Variants in BCAR1 observed in about 807,000 individuals in gnomAD.
BCAR1 encodes BCAR1 scaffold protein, Cas family member.
A neutral mutation model predicts 67.6 loss-of-function variants in BCAR1; 30 were observed. That is an observed-to-expected ratio of 0.44 (90% CI 0.33 to 0.60). BCAR1 has a LOEUF of 0.60. Ranked by LOEUF, BCAR1 falls within the 20% of genes least tolerant of loss-of-function variation. BCAR1 has a pLI of 0.02. For synonymous variants in BCAR1, 626 were observed against 556.7 expected, an observed-to-expected ratio of 1.12 and a Z score of -1.75; for missense variants, 1,313 against 1,222.3, an observed-to-expected ratio of 1.07 and a Z score of -1.11.
chr16:75,238,040 A>T, intron 2 of BCAR1: 1 of 1,288,594 alleles, frequency 7.8e-7, no homozygotes, highest in Non-Finnish European at 1.0e-6. Flanking sequence ...GATGAGGCCT[A>T]GTGGGGGAAG....
At position 75,235,508 on chromosome 16, in the gene BCAR1, G is replaced by A. The variant is rs1183248715; in HGVS notation, c.1391C>T (p.Ala464Val). 1 of 1,597,218 alleles carries A rather than the reference G, an allele frequency of 6.3e-7. No homozygotes were observed. The highest frequency in any genetic ancestry group is 8.5e-7 in the Non-Finnish European group (1 of 1,172,912). The change falls in exon 5 of 7, where the codon GCA (alanine) becomes GTA (valine). Residue 464 changes from alanine (A) to valine (V), a missense_variant. By Grantham distance (64) the Ala-to-Val change is moderately conservative. Transcript: ENST00000162330. ...GGCGCTCACACCCTGCTGCAGCCGTGCCAGGGCCTCCACAGCAACTTCCAG... is the reference window on the plus strand; with the variant it reads ...GGCGCTCACACCCTGCTGCAGCCGTACCAGGGCCTCCACAGCAACTTCCAG... ...LELEVAVEAL[A>V]RLQQGVSATV... is the part of the protein sequence containing the mutation.
chr16:75,233,728 TGA>T, intron 6 of BCAR1, 116 bp downstream of exon 6: 1 of 1,057,200 alleles, frequency 9.5e-7, no homozygotes, highest in East Asian at 2.6e-5. Flanking sequence ...GGCCCAGCTC[TGA>T]GCACTGTCAG....
intron 4 of BCAR1, chr16:75,236,459 G>A (rs549148873): frequency 6.1e-6 from 2 of 328,956 alleles, no homozygotes; most frequent in South Asian, 1.1e-4. Context: ...CCACCACCAC[G>A]TGTGAACTTT....
intron 2 of BCAR1, among the ~76,000 whole-genome samples, chr16:75,242,083 C>T (rs766656693): frequency 1.1e-4 from 17 of 152,226 alleles, no homozygotes; most frequent in Non-Finnish European, 2.2e-4. Flanking sequence ...TAGAGGCTGA[C>T]ACGTAAACCC....
upstream of BCAR1, among the ~76,000 whole-genome samples, chr16:75,253,097 G>A (rs907883799): frequency 2.0e-5 from 3 of 152,202 alleles, no homozygotes; most frequent in Non-Finnish European, 4.4e-5. Context: ...CCAACACCCT[G>A]TGCCTCCCCG....
intron 6 of BCAR1, among the ~76,000 whole-genome samples, chr16:75,231,881 A>G (rs1464605959): frequency 2.6e-5 from 4 of 152,204 alleles, no homozygotes; most frequent in Admixed American, 2.0e-4. Context: ...TTGATATTTC[A>G]GGAGGTTTTT....
chr16:75,264,057 C>T, intron 1 of BCAR1: 1 of 1,238,922 alleles, frequency 8.1e-7, no homozygotes, highest in Non-Finnish European at 1.0e-6. Context: ...TAGGAGATGA[C>T]TCAGAGCCCG....
At chr16:75,245,840 C>T (rs1025990602) in intron 1 of BCAR1, among the ~76,000 whole-genome samples, 2 of 152,190 alleles carry the variant, frequency 1.3e-5, no homozygotes. Flanking sequence ...GACATGCACT[C>T]CTTCTTCCTC....
Position 75,239,449 on chromosome 16 carries a change from G to T in BCAR1, c.634-2105C>A, listed in dbSNP as rs1012979893. Among the ~76,000 whole-genome samples the T allele has an allele frequency of 3.3e-5, 5 of 152,184 alleles. No homozygotes were observed. In the South Asian group the frequency reaches 1.0e-3, roughly 31 times the overall value. On this transcript the variant is annotated intron_variant, in intron 2 of 6. Transcript: ENST00000162330. ...TCCCCTACTATCAGGCATCAAGCGG[G>T]GGGACAAGCGAACTCAGGAATACAT...
chr16:75,233,737 T>C, intron 6 of BCAR1, 109 bp downstream of exon 6: 1 of 1,167,584 alleles, frequency 8.6e-7, no homozygotes, highest in Admixed American at 2.3e-5. Context: ...CTGAGCACTG[T>C]CAGACAACAT....
At chr16:75,251,015 C>T (rs1243248917) in intron 1 of BCAR1, 3 of 983,768 alleles carry the variant, frequency 3.0e-6, no homozygotes, top group Admixed American at 6.1e-5. Flanking sequence ...CGCCCGGCCT[C>T]GGTCCCCCGG....
At position 75,229,911 on chromosome 16, in the gene BCAR1, G is replaced by A. The variant is rs199960148; in HGVS notation, c.2213C>T (p.Pro738Leu). 114 of 1,608,334 alleles carry A rather than the reference G, an allele frequency of 7.1e-5. No individual in the cohort carries two copies. Among genetic ancestry groups the A allele is most frequent in the Non-Finnish European group, 9.1e-5 (107 of 1,176,150 alleles). ...GAAGAGCAGCAGCTGCCGGTCCGAG[G>A]GCCCCAGGCCGCCTGTTCGCCCCGG... is the stretch of plus-strand genomic sequence containing the variant. ...LAPGRTGGLG[P>L]SDRQLLLFYL... Residue 738 changes from proline (P) to leucine (L), a missense_variant, in exon 7 of 7, where the codon CCC becomes CTC. Pro to Leu is a moderately conservative substitution (Grantham distance 98). Transcript: ENST00000162330.
chr16:75,255,952 T>C (rs535499341), upstream of BCAR1, among the ~76,000 whole-genome samples: 8 of 149,614 alleles, frequency 5.3e-5, no homozygotes, highest in South Asian at 4.3e-4. Context: ...GATGGTGCCA[T>C]TGCACTCCAG....
chr16:75,258,646 T>C (rs2077831931), intron 1 of BCAR1, among the ~76,000 whole-genome samples: 1 of 152,222 alleles, frequency 6.6e-6, no homozygotes, highest in African/African-American at 2.4e-5. Context: ...AGCAGATGTG[T>C]GAATCTTTTG....
At chr16:75,245,332 A>C (rs1405594577) in intron 1 of BCAR1, among the ~76,000 whole-genome samples, 1 of 152,222 alleles carries the variant, frequency 6.6e-6, no homozygotes, top group Admixed American at 6.5e-5. Flanking sequence ...GAGTCACAGG[A>C]AAATTCCCCT....
rs1265062225 is a variant in BCAR1 at position 75,229,503 on chromosome 16, C to T, written c.*8G>A. The T allele has an allele frequency of 6.4e-7, 1 of 1,550,852 alleles. No individual in the cohort carries two copies. The highest frequency in any genetic ancestry group is 8.7e-7 in the Non-Finnish European group (1 of 1,149,128). The stretch of plus-strand genomic sequence containing the variant: ...CCCTCCCCTGCCTCCCTCCTGGGGT[C>T]ACCACCCTCAGGCGGCTGCCAGCTG... On this transcript the variant is annotated 3_prime_UTR_variant, in exon 7 of 7. Transcript: ENST00000162330.
chr16:75,265,820 C>G, intron 1 of BCAR1: 3 of 1,196,022 alleles, frequency 2.5e-6, no homozygotes, highest in Non-Finnish European at 3.1e-6. Context: ...CGGCGCGGTA[C>G]TCACAGGCAC....
intron 2 of BCAR1, among the ~76,000 whole-genome samples, chr16:75,237,879 G>A (rs1445899553): frequency 6.6e-6 from 1 of 152,212 alleles, no homozygotes; most frequent in Non-Finnish European, 1.5e-5. Context: ...CTGCCCCACA[G>A]CACAGCATGG....
chr16:75,266,483 C>T, intron 1 of BCAR1: 1 of 353,324 alleles, frequency 2.8e-6, no homozygotes, highest in Non-Finnish European at 5.1e-6. Flanking sequence ...GGCCCACCCT[C>T]AGCCCACCGT....
Sources: gnomAD v4.1 joint callset for allele counts (sites outside exome capture counted in the v4.1 genomes callset) on GRCh38, gnomAD v4.1.1 for gene constraint, MANE v1.5 for transcripts, NCBI Gene and HGNC (gene_info 2026-07-23, HGNC 2026-07-21) for gene names.